Variants in ZDHHC14 observed in about 807,000 individuals in gnomAD.
The protein encoded by ZDHHC14 is zDHHC palmitoyltransferase 14, also known as palmitoyltransferase ZDHHC14.
ZDHHC14 carries 16 observed loss-of-function variants against 47.7 expected under a neutral mutation model. The observed-to-expected ratio is 0.34, with a 90% CI of 0.23 to 0.51. The LOEUF (loss-of-function observed/expected upper bound fraction) is 0.51, where lower values mean the gene tolerates loss of function less well. ZDHHC14 is among the 20% of genes least tolerant of loss of function. The pLI, the probability that ZDHHC14 is intolerant of heterozygous loss-of-function variation, is 0.97. For missense variants in ZDHHC14, 515 were observed against 662.5 expected (o/e 0.78, Z 2.44); for synonymous variants, 293 against 278.9 (o/e 1.05, Z -0.50).
At chr6:157,594,858 C>A (rs1784059221) in intron 3 of ZDHHC14, among the ~76,000 whole-genome samples, 1 of 152,186 alleles carries the variant, frequency 6.6e-6, no homozygotes, top group Non-Finnish European at 1.5e-5. Flanking sequence ...TCTTAAATAT[C>A]TCTGGGGGAA....
chr6:157,616,461 G>T (rs1784967053), intron 3 of ZDHHC14, among the ~76,000 whole-genome samples: 1 of 152,164 alleles, frequency 6.6e-6, no homozygotes, highest in Non-Finnish European at 1.5e-5. Context: ...TGTCCAGGGG[G>T]TCAGCTCACC....
chr6:157,608,700 C>T (rs1043945978), intron 3 of ZDHHC14, among the ~76,000 whole-genome samples: 2 of 152,096 alleles, frequency 1.3e-5, no homozygotes, highest in Admixed American at 1.3e-4. Context: ...TTATAAGCCA[C>T]GCAAAAGAGT....
At chr6:157,519,853 AC>A (rs1356522147) in intron 1 of ZDHHC14, among the ~76,000 whole-genome samples, 1 of 152,154 alleles carries the variant, frequency 6.6e-6, no homozygotes, top group African/African-American at 2.4e-5. Context: ...ACCCGTCCCT[AC>A]CCCAAGGAAG....
intron 1 of ZDHHC14, among the ~76,000 whole-genome samples, chr6:157,457,539 A>G (rs922915461): frequency 6.6e-6 from 1 of 152,218 alleles, no homozygotes; most frequent in African/African-American, 2.4e-5. Flanking sequence ...TGAAGTAAAG[A>G]TGTTACAATA....
In ZDHHC14 at chr6:157,586,472, C is replaced by A. The variant is rs1389894190; in HGVS notation, c.407-6516C>A. Among the ~76,000 whole-genome samples the A allele has an allele frequency of 6.6e-6, 1 of 152,144 alleles. No homozygotes were observed. Among genetic ancestry groups the A allele is most frequent in the Non-Finnish European group, 1.5e-5 (1 of 68,030 alleles). On this transcript the variant is annotated intron_variant, in intron 2 of 8. Transcript: ENST00000359775. The surrounding 1 kb of genome is among the most constrained non-coding windows in gnomAD (Gnocchi z 4.6). ...GGCCACCGTGTTTTGAGCATAGGCTCCATGGAAGATCGTGCAAGGAGAGAG... is the reference window on the plus strand; with the variant it reads ...GGCCACCGTGTTTTGAGCATAGGCTACATGGAAGATCGTGCAAGGAGAGAG...
intron 2 of ZDHHC14, chr6:157,592,632 T>G: frequency 1.8e-6 from 1 of 562,980 alleles, no homozygotes; most frequent in South Asian, 6.0e-5. Flanking sequence ...GTCAGGCGAC[T>G]CCCCAGCTGT....
At chr6:157,395,107 C>A (rs1284293336) in intron 1 of ZDHHC14, among the ~76,000 whole-genome samples, 1 of 150,208 alleles carries the variant, frequency 6.7e-6, no homozygotes, top group Non-Finnish European at 1.5e-5. Context: ...CCCTCACCAG[C>A]CCACACCTGG....
At chr6:157,596,332 A>G (rs973864754) in intron 3 of ZDHHC14, among the ~76,000 whole-genome samples, 2 of 152,234 alleles carry the variant, frequency 1.3e-5, no homozygotes, top group Non-Finnish European at 2.9e-5. Flanking sequence ...GCACAGTGGT[A>G]TGCTGAAAGC....
rs944771106 is a variant in ZDHHC14 at position 157,502,338 on chromosome 6, T to C, written c.246-40247T>C. 4.6e-5 allele frequency among the ~76,000 whole-genome samples: 7 copies of C among 152,208 alleles called. No homozygotes were observed. The highest frequency in any genetic ancestry group is 1.7e-4 in the African/African-American group (7 of 41,448). On this transcript the variant is annotated intron_variant, in intron 1 of 8. Transcript: ENST00000359775. The surrounding 1 kb of genome is among the most constrained non-coding windows in gnomAD (Gnocchi z 4.0). ...TGTATGTGAGCCAAAAGTGTCCCCA[T>C]ACATGTTGAGAGAGAGTGGATGACA...
chr6:157,583,810 A>G (rs1783596962), intron 2 of ZDHHC14, among the ~76,000 whole-genome samples: 1 of 152,148 alleles, frequency 6.6e-6, no homozygotes, highest in African/African-American at 2.4e-5. Context: ...TGGAGGCAGC[A>G]GAGGAAGGGC....
chr6:157,669,187 CG>C (rs1562539513), intron 8 of ZDHHC14, among the ~76,000 whole-genome samples: 1 of 152,182 alleles, frequency 6.6e-6, no homozygotes, highest in African/African-American at 2.4e-5. Context: ...CGACCACTGC[CG>C]ACAGCCACCT....
chr6:157,531,293 C>A (rs576502913), intron 1 of ZDHHC14, among the ~76,000 whole-genome samples: 1 of 2,446 alleles, frequency 4.1e-4, no homozygotes, highest in East Asian at 1.4e-3. Flanking sequence ...ACGCCCCTGC[C>A]CCCCCCGGAC....
intron 8 of ZDHHC14, among the ~76,000 whole-genome samples, chr6:157,667,877 G>A (rs752900656): frequency 6.6e-6 from 1 of 152,180 alleles, no homozygotes; most frequent in Non-Finnish European, 1.5e-5. Context: ...TTTTGAGAGC[G>A]TTTAATGAGA....
chr6:157,638,472 A>C (rs1293836495), intron 5 of ZDHHC14, among the ~76,000 whole-genome samples: 1 of 152,048 alleles, frequency 6.6e-6, no homozygotes. Context: ...TTCTCCATGG[A>C]CACAGACAAA....
intron 1 of ZDHHC14, among the ~76,000 whole-genome samples, chr6:157,418,064 T>C (rs975483061): frequency 2.6e-5 from 4 of 152,090 alleles, no homozygotes; most frequent in Admixed American, 6.5e-5. Context: ...CCTCTGCACT[T>C]ACCCCACATG....
intron 8 of ZDHHC14, among the ~76,000 whole-genome samples, chr6:157,671,587 C>T (rs1336581185): frequency 2.6e-5 from 4 of 152,166 alleles, no homozygotes; most frequent in African/African-American, 7.2e-5. Flanking sequence ...AGAGGGTTTG[C>T]GGAGCTATCA....
At chr6:157,420,706 G>A (rs1458299479) in intron 1 of ZDHHC14, among the ~76,000 whole-genome samples, 3 of 152,334 alleles carry the variant, frequency 2.0e-5, no homozygotes, top group East Asian at 3.9e-4. Flanking sequence ...TACGAGCATA[G>A]GTCAGAACTT....
intron 8 of ZDHHC14, among the ~76,000 whole-genome samples, chr6:157,668,616 T>C (rs1362501510): frequency 6.6e-6 from 1 of 151,888 alleles, no homozygotes; most frequent in African/African-American, 2.4e-5. Context: ...AGGAGAATTG[T>C]TTGAACCCAG....
chr6:157,431,718 T>A (rs936551778), intron 1 of ZDHHC14, among the ~76,000 whole-genome samples: 9 of 149,392 alleles, frequency 6.0e-5, no homozygotes, highest in African/African-American at 2.0e-4. Flanking sequence ...TTTTATTTTT[T>A]AAATTTTAAT....
Sources: allele counts gnomAD v4.1 joint callset (sites outside exome capture counted in the v4.1 genomes callset), GRCh38; gene constraint gnomAD v4.1.1; non-coding constraint Gnocchi (gnomAD v3.1); transcripts MANE v1.5; gene names NCBI Gene and HGNC (gene_info 2026-07-23, HGNC 2026-07-21).